LGR6: variants seen among roughly 807,000 people sequenced by gnomAD.
LGR6 encodes the protein leucine-rich repeat-containing G protein-coupled receptor 6.
In LGR6, 45 loss-of-function variants were observed where a neutral mutation model predicts 69.4. The ratio of observed to expected loss-of-function variants is 0.65; its 90% CI spans 0.51 to 0.83. The LOEUF (loss-of-function observed/expected upper bound fraction) is 0.83. Ranked by LOEUF, LGR6 falls within the 40% of genes least tolerant of loss-of-function variation. The pLI is 0.00. For missense variants in LGR6, 1,108 were observed against 1,246.7 expected (o/e 0.89, Z 1.68); for synonymous variants, 538 against 555.0 (o/e 0.97, Z 0.43).
chr1:202,262,547 G>A (rs1041324854), intron 4 of LGR6, among the ~76,000 whole-genome samples: 1 of 152,052 alleles, frequency 6.6e-6, no homozygotes, highest in Non-Finnish European at 1.5e-5. Flanking sequence ...TGTTCTTTTG[G>A]CTTAGGATTG....
chr1:202,227,551 A>T (rs1660653724), intron 2 of LGR6, among the ~76,000 whole-genome samples: 1 of 152,194 alleles, frequency 6.6e-6, no homozygotes, highest in African/African-American at 2.4e-5. Flanking sequence ...GATGCAGTCC[A>T]GCAGTTGAGA....
chr1:202,307,240 G>C, intron 13 of LGR6, 90 bp from the exon 14 acceptor site: 1 of 1,272,914 alleles, frequency 7.9e-7, no homozygotes, highest in Non-Finnish European at 1.1e-6. Flanking sequence ...GGGCAGGTCA[G>C]ATGGGGGTAT....
At position 202,307,313 on chromosome 1, in the gene LGR6, AC is replaced by A; in HGVS notation, c.1209-14del. ...ACATGTTACTGTCCCCTCCTGTCAC[AC>A]CCTCTCTGCCTGCAGGGATCTTAGC... is the stretch of plus-strand genomic sequence containing the variant. On this transcript the variant is annotated splice_polypyrimidine_tract_variant and intron_variant, in intron 13 of 17. Transcript: ENST00000367278. 6.2e-7 allele frequency: 1 copy of A among 1,613,398 alleles called. No individual in the cohort carries two copies. The highest frequency in any genetic ancestry group is 8.5e-7 in the Non-Finnish European group (1 of 1,179,506).
intron 1 of LGR6, among the ~76,000 whole-genome samples, chr1:202,205,825 A>C (rs1193385610): frequency 8.0e-6 from 1 of 124,954 alleles, no homozygotes; most frequent in East Asian, 2.5e-4. Flanking sequence ...ATACACACAC[A>C]CCCCAACACA....
intron 4 of LGR6, among the ~76,000 whole-genome samples, chr1:202,243,113 CAA>C (rs5780112): frequency 0.041 from 6,167 of 152,244 alleles, 155 homozygotes; most frequent in East Asian, 0.1. Context: ...GGCTGCCTCT[CAA>C]GAGCAATTCT....
intron 1 of LGR6, among the ~76,000 whole-genome samples, chr1:202,208,629 C>G (rs186979752): frequency 9.9e-5 from 15 of 151,876 alleles, no homozygotes; most frequent in African/African-American, 3.4e-4. Context: ...GGAATGCCTA[C>G]CCCCCCGCCA....
chr1:202,222,424 T>C (rs1571835242), intron 1 of LGR6, among the ~76,000 whole-genome samples: 1 of 150,632 alleles, frequency 6.6e-6, no homozygotes, highest in Non-Finnish European at 1.5e-5. Flanking sequence ...GTGGGTGGGG[T>C]GGGGGCCATG....
intron 4 of LGR6, among the ~76,000 whole-genome samples, chr1:202,257,261 T>C (rs1437894905): frequency 6.6e-6 from 1 of 152,212 alleles, no homozygotes; most frequent in African/African-American, 2.4e-5. Flanking sequence ...TCTTTTTCAC[T>C]TTCTTTATCA....
At chr1:202,219,005 T>G (rs1282414236) in intron 1 of LGR6, among the ~76,000 whole-genome samples, 1 of 152,156 alleles carries the variant, frequency 6.6e-6, no homozygotes, top group African/African-American at 2.4e-5. Flanking sequence ...CAGAAGCCCA[T>G]GGGAAAACAA....
intron 1 of LGR6, chr1:202,214,229 TG>T (rs74355478): frequency 0.06 from 92,997 of 1,543,370 alleles, 3,531 homozygotes; most frequent in African/African-American, 0.15. Flanking sequence ...CACGGCGCGG[TG>T]CGCCCAGGTA....
chr1:202,217,573 CTG>C (rs1659870411), intron 1 of LGR6, among the ~76,000 whole-genome samples: 1 of 152,324 alleles, frequency 6.6e-6, no homozygotes, highest in South Asian at 2.1e-4. Context: ...TCGGGCGACA[CTG>C]TGGGTGCCCA....
At chr1:202,195,013 G>A (rs1246288998) in intron 1 of LGR6, among the ~76,000 whole-genome samples, 1 of 152,188 alleles carries the variant, frequency 6.6e-6, no homozygotes, top group Non-Finnish European at 1.5e-5. Flanking sequence ...GGAGGGCTGG[G>A]GGCTCTGGCT....
intron 4 of LGR6, among the ~76,000 whole-genome samples, chr1:202,243,944 TG>T (rs1421863195): frequency 4.4e-5 from 2 of 45,102 alleles, no homozygotes; most frequent in Non-Finnish European, 8.8e-5. Context: ...AAAGTCTTTT[TG>T]TTGTTGTTGT....
intron 1 of LGR6, among the ~76,000 whole-genome samples, chr1:202,212,924 G>A (rs578222950): frequency 6.6e-6 from 1 of 152,024 alleles, no homozygotes; most frequent in Admixed American, 6.5e-5. Flanking sequence ...GTCTCTCTTG[G>A]CCAGCTCAGG....
chr1:202,208,000 T>C (rs1659319618), intron 1 of LGR6, among the ~76,000 whole-genome samples: 1 of 152,160 alleles, frequency 6.6e-6, no homozygotes, highest in African/African-American at 2.4e-5. Context: ...GCGCCTGGAC[T>C]TGGGAAATCC....
intron 6 of LGR6, among the ~76,000 whole-genome samples, chr1:202,289,254 G>A (rs1666619306): frequency 6.6e-6 from 1 of 152,214 alleles, no homozygotes; most frequent in African/African-American, 2.4e-5. Flanking sequence ...TGGCCCAACA[G>A]TGACAGCACC....
chr1:202,225,526 G>A, intron 2 of LGR6, 32 bp downstream of exon 2: 7 of 1,585,580 alleles, frequency 4.4e-6, no homozygotes, highest in Non-Finnish European at 6.1e-6. Flanking sequence ...TGGGAGGCAA[G>A]CATGGGCTCT....
chr1:202,213,697 T>C (rs1042156786), intron 1 of LGR6, among the ~76,000 whole-genome samples: 59 of 152,176 alleles, frequency 3.9e-4, no homozygotes, highest in African/African-American at 1.4e-3. Context: ...GGTTCTCCCA[T>C]TTAAACCTCA....
At chr1:202,198,877 G>A (rs1246336461) in intron 1 of LGR6, among the ~76,000 whole-genome samples, 2 of 151,848 alleles carry the variant, frequency 1.3e-5, no homozygotes, top group Admixed American at 6.6e-5. Flanking sequence ...TGGGGGTGGG[G>A]GTGCCAACGT....
Sources: allele counts gnomAD v4.1 joint callset (sites outside exome capture counted in the v4.1 genomes callset), GRCh38; gene constraint gnomAD v4.1.1; transcripts MANE v1.5; gene names NCBI Gene and HGNC (gene_info 2026-07-23, HGNC 2026-07-21).